Variants in INPP5A observed in about 807,000 individuals in gnomAD.
INPP5A encodes the protein inositol polyphosphate-5-phosphatase A, also known as 43 kDa inositol polyphosphate 5-phophatase.
INPP5A carries 14 observed loss-of-function variants against 65.2 expected under a neutral mutation model. That is an observed-to-expected ratio of 0.21 (90% CI 0.14 to 0.34). INPP5A has a LOEUF of 0.34. Among genes scored for constraint, INPP5A ranks in the 10% least tolerant of loss-of-function variants. The pLI, the probability that INPP5A is intolerant of heterozygous loss-of-function variation, is 1.00. For synonymous variants in INPP5A, 207 were observed against 208.3 expected, an observed-to-expected ratio of 0.99 and a Z score of 0.05; for missense variants, 431 against 545.6, an observed-to-expected ratio of 0.79 and a Z score of 2.09.
chr10:132,611,819 CGGG>C (rs2071957274), intron 2 of INPP5A, among the ~76,000 whole-genome samples: 6 of 40,346 alleles, frequency 1.5e-4, no homozygotes, highest in Admixed American at 2.8e-4. Context: ...GAGGAGGGTG[CGGG>C]AGGTGAGGAG....
At chr10:132,693,179 A>G (rs1845295611) in intron 5 of INPP5A, among the ~76,000 whole-genome samples, 1 of 152,100 alleles carries the variant, frequency 6.6e-6, no homozygotes, top group Non-Finnish European at 1.5e-5. Flanking sequence ...TTGATGTGTT[A>G]AGAGAGGAGA....
intron 13 of INPP5A, among the ~76,000 whole-genome samples, chr10:132,779,820 A>ATT: frequency 6.6e-6 from 1 of 152,306 alleles, no homozygotes; most frequent in South Asian, 2.1e-4. Context: ...GGAGCCCTAA[A>ATT]ACACCAAAAG....
At chr10:132,618,185 TG>T (rs1191435414) in intron 2 of INPP5A, among the ~76,000 whole-genome samples, 2 of 152,204 alleles carry the variant, frequency 1.3e-5, no homozygotes, top group African/African-American at 4.8e-5. Context: ...AGATAATAAA[TG>T]TTGTTTATTT....
In INPP5A at chr10:132,782,160, C is replaced by A. The variant is rs1368877450; in HGVS notation, c.*131C>A. On this transcript the variant is annotated 3_prime_UTR_variant, in exon 16 of 16. Coordinates refer to ENST00000368594, the MANE Select transcript of INPP5A (RefSeq NM_005539.5). The surrounding 1 kb of genome is among the most constrained non-coding windows in gnomAD (Gnocchi z 4.4). ...GCGCCACCTGCTAGACGGCCAGCCC[C>A]ACACTTCGCTTCAGCCTCCGGACCA... 6.8e-7 allele frequency: 1 copy of A among 1,469,742 alleles called. No homozygotes were observed. The highest frequency in any genetic ancestry group is 1.4e-5 in the African/African-American group (1 of 71,318). The allele number at this position is 1,469,742 out of a possible 1,614,324, so 91.0% of individuals were successfully genotyped here.
rs569572444 is a variant in INPP5A at position 132,555,259 on chromosome 10, G to A, written c.75+17088G>A. Among the ~76,000 whole-genome samples, 5 of 152,192 alleles carry A rather than the reference G, an allele frequency of 3.3e-5. No homozygotes were observed. The highest frequency in any genetic ancestry group is 2.9e-5 in the Non-Finnish European group (2 of 68,000). ...GTGCTCAGGCCCCTGTTCCTTCACC[G>A]TGCTGGGGAAGGGCGCTCCTGATCC... On this transcript the variant is annotated intron_variant, in intron 1 of 15. Coordinates refer to ENST00000368594, the MANE Select transcript of INPP5A (RefSeq NM_005539.5). The surrounding 1 kb of genome is among the most constrained non-coding windows in gnomAD (Gnocchi z 4.4).
chr10:132,737,343 T>C (rs886106441), intron 9 of INPP5A, among the ~76,000 whole-genome samples: 10 of 152,188 alleles, frequency 6.6e-5, no homozygotes, highest in Non-Finnish European at 1.3e-4. Context: ...CAGAGCAGCA[T>C]GGATGGAAAG....
rs2071404281 is a variant in INPP5A at position 132,575,639 on chromosome 10, CAG to C, written c.76-32275_76-32274del. 6.6e-6 allele frequency among the ~76,000 whole-genome samples: 1 copy of C among 152,202 alleles called. No homozygotes were observed. Among genetic ancestry groups the C allele is most frequent in the African/African-American group, 2.4e-5 (1 of 41,446 alleles). Reference sequence around the variant, plus strand: ...AGTGCGTTTATTTGAAATCCGTAAACAGTGTTTATCTTGGCGAGGAGGAATCC... The same window carrying C: ...AGTGCGTTTATTTGAAATCCGTAAACTGTTTATCTTGGCGAGGAGGAATCC... On this transcript the variant is annotated intron_variant, in intron 1 of 15. Transcript: ENST00000368594. This position sits in a 1 kb window ranked among gnomAD's most constrained non-coding sequence, Gnocchi z 5.4.
chr10:132,591,416 G>C (rs2071617781), intron 1 of INPP5A, among the ~76,000 whole-genome samples: 1 of 152,212 alleles, frequency 6.6e-6, no homozygotes, highest in Admixed American at 6.5e-5. Flanking sequence ...CGCTCGCTTG[G>C]AGAGGACTGA....
chr10:132,628,476 G>C (rs1035303994), intron 2 of INPP5A, among the ~76,000 whole-genome samples: 2 of 150,498 alleles, frequency 1.3e-5, no homozygotes, highest in South Asian at 4.3e-4. Flanking sequence ...GGGGGGGGGG[G>C]GGCGTGGCGT....
At chr10:132,757,080 T>TTAAC (rs774796251) in intron 11 of INPP5A, among the ~76,000 whole-genome samples, 5 of 152,144 alleles carry the variant, frequency 3.3e-5, no homozygotes, top group Non-Finnish European at 7.4e-5. Context: ...AGTTGAAAAA[T>TTAAC]GTTAAAGTTT....
chr10:132,750,340 G>A (rs774983146), intron 11 of INPP5A, among the ~76,000 whole-genome samples: 7 of 152,212 alleles, frequency 4.6e-5, no homozygotes, highest in African/African-American at 1.2e-4. Context: ...CTGTGGGGTG[G>A]GTGTGCCGCT....
chr10:132,722,541 G>T (rs1845902833), intron 8 of INPP5A, among the ~76,000 whole-genome samples: 1 of 152,244 alleles, frequency 6.6e-6, no homozygotes, highest in South Asian at 2.1e-4. Flanking sequence ...GGTTCCCACT[G>T]CTGTGTTAGG....
At chr10:132,688,849 T>A (rs1845200258) in intron 4 of INPP5A, among the ~76,000 whole-genome samples, 1 of 151,412 alleles carries the variant, frequency 6.6e-6, no homozygotes, top group Non-Finnish European at 1.5e-5. Flanking sequence ...TGTGCGTGAG[T>A]GCGTGTGTGC....
chr10:132,567,523 C>T (rs893754140), intron 1 of INPP5A, among the ~76,000 whole-genome samples: 4 of 152,194 alleles, frequency 2.6e-5, no homozygotes, highest in African/African-American at 4.8e-5. Context: ...ATAGGAACAT[C>T]GTAAATAACC....
intron 8 of INPP5A, among the ~76,000 whole-genome samples, chr10:132,724,646 C>A (rs370362923): frequency 6.6e-6 from 1 of 150,694 alleles, no homozygotes; most frequent in African/African-American, 2.4e-5. Context: ...GTTACTCATT[C>A]TCCAGAACTC....
At chr10:132,703,494 A>G (rs1387008189) in intron 6 of INPP5A, among the ~76,000 whole-genome samples, 1 of 119,380 alleles carries the variant, frequency 8.4e-6, no homozygotes, top group Non-Finnish European at 1.7e-5. Context: ...CCCCCCACAC[A>G]GTGTCTTCAC....
intron 9 of INPP5A, among the ~76,000 whole-genome samples, chr10:132,735,155 T>C (rs1053786691): frequency 2.6e-5 from 4 of 152,166 alleles, no homozygotes; most frequent in African/African-American, 7.2e-5. Flanking sequence ...CCCCACCCTC[T>C]GCAACCCCCC....
chr10:132,726,839 C>G lies in INPP5A; in HGVS notation c.666C>G (p.Phe222Leu), dbSNP rs554890216. The change falls in exon 9 of 16, where the codon TTC (phenylalanine) becomes TTG (leucine). Residue 222 changes from phenylalanine (F) to leucine (L), a missense_variant. Transcript: ENST00000368594. ...YVLDRIIDQR[F>L]EKVSYFVFGD... ...TTTCCAGAATCATTGATCAGCGATT[C>G]GAGAAGGTTTCCTACTTTGTATTTG... 6.2e-7 allele frequency: 1 copy of G among 1,604,338 alleles called. No homozygotes were observed. Among genetic ancestry groups the G allele is most frequent in the East Asian group, 2.2e-5 (1 of 44,584 alleles).
At chr10:132,686,996 G>A (rs1845146444) in intron 4 of INPP5A, among the ~76,000 whole-genome samples, 1 of 152,208 alleles carries the variant, frequency 6.6e-6, no homozygotes, top group Non-Finnish European at 1.5e-5. Flanking sequence ...CTAGGCTGGA[G>A]TGCAGTGGCA....
Sources: allele counts gnomAD v4.1 joint callset (sites outside exome capture counted in the v4.1 genomes callset), GRCh38; gene constraint gnomAD v4.1.1; non-coding constraint Gnocchi (gnomAD v3.1); transcripts MANE v1.5; gene names NCBI Gene and HGNC (gene_info 2026-07-23, HGNC 2026-07-21).